Variants in HERC1 observed in about 807,000 individuals in gnomAD.
The protein encoded by HERC1 is probable E3 ubiquitin-protein ligase HERC1.
A neutral mutation model predicts 554.3 loss-of-function variants in HERC1; 160 were observed. The observed-to-expected ratio is 0.29, with a 90% CI of 0.25 to 0.33. The LOEUF is 0.33. Ranked by LOEUF, HERC1 falls within the 10% of genes least tolerant of loss-of-function variation. The pLI, the probability that HERC1 is intolerant of heterozygous loss-of-function variation, is 1.00. For synonymous variants in HERC1, 2,175 were observed against 2,131.7 expected (o/e 1.02, Z -0.56); for missense variants, 4,919 against 5,918.5 (o/e 0.83, Z 5.54).
chr15:63,715,593 T>C (rs2073511038), intron 22 of HERC1, among the ~76,000 whole-genome samples: 1 of 152,326 alleles, frequency 6.6e-6, no homozygotes. Flanking sequence ...GCCAAGTTAA[T>C]TGACAGATAC....
intron 2 of HERC1, 96 bp from the exon 3 acceptor site, chr15:63,764,287 G>A: frequency 3.9e-6 from 3 of 775,910 alleles, no homozygotes; most frequent in Non-Finnish European, 6.5e-6. Flanking sequence ...CCTATTTGAA[G>A]ACCTGTTTAT....
chr15:63,757,262 C>CTTTTTTTT lies in HERC1; in HGVS notation c.1222-522_1222-515dup, dbSNP rs56196711. ...AAAAAGAAATTCCAGTTTTTATTTA[C>CTTTTTTTT]TTTTTTTTTTTTTTTTTTTTGAGAC... On this transcript the variant is annotated intron_variant, in intron 4 of 77. Coordinates refer to ENST00000443617, the MANE Select transcript of HERC1 (RefSeq NM_003922.4). Among the ~76,000 whole-genome samples the CTTTTTTTT allele has an allele frequency of 4.6e-5, 5 of 107,884 alleles. 1 individual carries two copies. The highest frequency in any genetic ancestry group is 7.3e-5 in the Non-Finnish European group (4 of 55,100). 70.8% of individuals were successfully genotyped at this position (107,884 alleles called of 152,430 possible).
chr15:63,614,211 C>A (rs1441646665), intron 76 of HERC1, among the ~76,000 whole-genome samples: 1 of 152,158 alleles, frequency 6.6e-6, no homozygotes, highest in Non-Finnish European at 1.5e-5. Flanking sequence ...GTCCATCCAA[C>A]CCTCAGAAGA....
At position 63,750,223 on chromosome 15, in the gene HERC1, T is replaced by C. The variant is rs1365447041; in HGVS notation, c.1903-432A>G. On this transcript the variant is annotated intron_variant, in intron 8 of 77. Transcript: ENST00000443617. ...TGGATTATATAAATCACAAAACTGA[T>C]GTTTATTATTTAGTTTTAGAAATAC... Among the ~76,000 whole-genome samples the C allele has an allele frequency of 4.6e-5, 7 of 152,318 alleles. No homozygotes were observed. The South Asian group carries it at 1.2e-3, about 27-fold the overall frequency.
chr15:63,766,865 A>G (rs2075795761), intron 2 of HERC1, among the ~76,000 whole-genome samples: 1 of 151,288 alleles, frequency 6.6e-6, no homozygotes, highest in Admixed American at 6.6e-5. Flanking sequence ...TTAGCAGAGA[A>G]GAGGTTTCTC....
In HERC1 at chr15:63,672,369, A is replaced by G. The variant is rs7166366; in HGVS notation, c.8045+127T>C. ...TTCAGTAAAATGAGCTTGACTATATAATCTCTTAGTTTCTTTCTAGCTCTA... is the reference window on the plus strand; with the variant it reads ...TTCAGTAAAATGAGCTTGACTATATGATCTCTTAGTTTCTTTCTAGCTCTA... On this transcript the variant is annotated intron_variant, in intron 39 of 77. Transcript: ENST00000443617. 0.8 allele frequency: 514,971 copies of G among 642,900 alleles called. 218,284 individuals are homozygous for G. The highest frequency in any genetic ancestry group is 0.88 in the Non-Finnish European group (340,155 of 387,188). 39.8% of individuals were successfully genotyped at this position (642,900 alleles called of 1,614,324 possible). A position where few individuals can be genotyped will look rare whatever the true frequency, so the allele number is the denominator to read the frequency against.
chr15:63,706,929 C>T (rs546609761), intron 24 of HERC1, 98 bp from the exon 25 acceptor site: 142 of 732,756 alleles, frequency 1.9e-4, no homozygotes, highest in Non-Finnish European at 3.0e-4. Context: ...CATGTAATTA[C>T]AGCAATGTCT....
chr15:63,689,313 A>G (rs2071969262), intron 33 of HERC1, among the ~76,000 whole-genome samples: 1 of 152,230 alleles, frequency 6.6e-6, no homozygotes, highest in African/African-American at 2.4e-5. Flanking sequence ...AGTGGCTGAA[A>G]CATGCAGATT....
Position 63,612,484 on chromosome 15 carries a change from G to A in HERC1, c.14167C>T (p.Leu4723=). 1 of 1,614,038 alleles carries A rather than the reference G, an allele frequency of 6.2e-7. No individual in the cohort carries two copies. The highest frequency in any genetic ancestry group is 8.5e-7 in the Non-Finnish European group (1 of 1,179,900). ...PLLSLLTAKQ[L]EQMVCGMPEI... is the part of the protein sequence containing the mutation. ...GGCATCCCACACACCATCTGCTCCA[G>A]TTGTTTTGCTGTGAGGAGGGACAGC... The change falls in exon 77 of 78, where the codon CTG becomes TTG. Residue 4723 remains leucine, a synonymous_variant. Coordinates refer to ENST00000443617, the MANE Select transcript of HERC1 (RefSeq NM_003922.4). The surrounding 1 kb of genome is among the most constrained non-coding windows in gnomAD (Gnocchi z 5.0).
Position 63,795,065 on chromosome 15 carries a change from C to A in HERC1, c.-26-19416G>T, listed in dbSNP as rs1452509174. Among the ~76,000 whole-genome samples the A allele has an allele frequency of 5.4e-3, 373 of 68,662 alleles. No homozygotes were observed. In the East Asian group the frequency reaches 0.055, roughly 10 times the overall value. The allele number at this position is 68,662 out of a possible 152,430, so 45.0% of individuals were successfully genotyped here. On this transcript the variant is annotated intron_variant, in intron 1 of 77. Coordinates refer to ENST00000443617, the MANE Select transcript of HERC1 (RefSeq NM_003922.4). ...CGGGCAACAGAGCAAGACTCTGTCT[C>A]AAAAAAAAAAAAAAAAAAAAAAGTA...
At chr15:63,641,758 AT>A in intron 59 of HERC1, 115 bp from the exon 60 acceptor site, 1 of 816,362 alleles carries the variant, frequency 1.2e-6, no homozygotes, top group Non-Finnish European at 1.8e-6. Flanking sequence ...CTTTTTGGAT[AT>A]TTTATATCCA....
intron 12 of HERC1, among the ~76,000 whole-genome samples, chr15:63,740,159 C>T (rs1048239487): frequency 6.6e-6 from 1 of 152,156 alleles, no homozygotes; most frequent in Non-Finnish European, 1.5e-5. Context: ...ATGTGCCCAC[C>T]TTAGCCTCCC....
rs575403751 is a variant in HERC1 at position 63,788,519 on chromosome 15, C to T, written c.-26-12870G>A. Reference sequence around the variant, plus strand: ...AGAGTCTCAGTTCTTTTTAAGCAGTCAATAAAGTAACAATAGCAAAACTTA... The same window carrying T: ...AGAGTCTCAGTTCTTTTTAAGCAGTTAATAAAGTAACAATAGCAAAACTTA... On this transcript the variant is annotated intron_variant, in intron 1 of 77. Transcript: ENST00000443617. 1.1e-3 allele frequency among the ~76,000 whole-genome samples: 164 copies of T among 152,190 alleles called. 3 individuals carry two copies. The highest frequency in any genetic ancestry group is 2.1e-3 in the South Asian group (10 of 4,820).
intron 12 of HERC1, among the ~76,000 whole-genome samples, chr15:63,737,396 T>C (rs2074558920): frequency 1.1e-5 from 1 of 91,190 alleles, no homozygotes; most frequent in Non-Finnish European, 2.5e-5. Context: ...ATATCGTTTT[T>C]CCAGATATAT....
Position 63,756,538 on chromosome 15 carries a change from C to T in HERC1, c.1432G>A (p.Glu478Lys), listed in dbSNP as rs376427330. ...TCACCATCTCCCCAACTGAAGACTT[C>T]TCCTTCTGTCGTAAAGGCTAAAGTG... ...GHTLAFTTEGEVFSWGDGDYG... is the reference protein window; with the variant it reads ...GHTLAFTTEGKVFSWGDGDYG... Residue 478 changes from glutamate (E) to lysine (K), a missense_variant, in exon 5 of 78, where the codon GAA (glutamate) becomes AAA (lysine). Coordinates refer to ENST00000443617, the MANE Select transcript of HERC1 (RefSeq NM_003922.4). The surrounding 1 kb of genome is among the most constrained non-coding windows in gnomAD (Gnocchi z 5.0). 6.2e-7 allele frequency: 1 copy of T among 1,613,738 alleles called. No individual in the cohort carries two copies. Among genetic ancestry groups the T allele is most frequent in the South Asian group, 1.1e-5 (1 of 91,082 alleles).
At position 63,658,708 on chromosome 15, in the gene HERC1, G is replaced by A; in HGVS notation, c.9435C>T (p.Gly3145=). ...TCCCAGAGGAGCTCTTTTCTACGGA[G>A]CCATGGCAACCTGAAAAACATAATT... ...EETLMQIGCH[G]SVEKSSSGRI... is the part of the protein sequence containing the mutation. The change falls in exon 48 of 78, where the codon GGC becomes GGT. Residue 3145 remains glycine (G), a synonymous_variant. Coordinates refer to ENST00000443617, the MANE Select transcript of HERC1 (RefSeq NM_003922.4). The A allele has an allele frequency of 1.9e-6, 3 of 1,609,770 alleles. No homozygotes were observed. The highest frequency in any genetic ancestry group is 2.2e-5 in the East Asian group (1 of 44,814).
At chr15:63,622,326 C>CTTTT (rs35490295) in intron 74 of HERC1, among the ~76,000 whole-genome samples, 25 of 117,586 alleles carry the variant, frequency 2.1e-4, no homozygotes, top group Middle Eastern at 4.7e-3. Context: ...TGCCTGTTTC[C>CTTTT]TTTTTTTTTT....
At position 63,680,985 on chromosome 15, in the gene HERC1, A is replaced by G. The variant is rs990765569; in HGVS notation, c.6226-209T>C. On this transcript the variant is annotated intron_variant, in intron 34 of 77. Coordinates refer to ENST00000443617, the MANE Select transcript of HERC1 (RefSeq NM_003922.4). This position sits in a 1 kb window ranked among gnomAD's most constrained non-coding sequence, Gnocchi z 5.8. ...TTCTTTATCTTGCAGGGCATTTAGAATAACCTTTGAATATCTATAGTATTT... is the reference window on the plus strand; with the variant it reads ...TTCTTTATCTTGCAGGGCATTTAGAGTAACCTTTGAATATCTATAGTATTT... 2.0e-5 allele frequency among the ~76,000 whole-genome samples: 3 copies of G among 152,226 alleles called. No individual in the cohort carries two copies. Among genetic ancestry groups the G allele is most frequent in the Admixed American group, 6.5e-5 (1 of 15,286 alleles).
rs756011531 is a variant in HERC1, at chr15:63,680,034, A to G, written c.6549+43T>C. On this transcript the variant is annotated intron_variant, in intron 36 of 77. Coordinates refer to ENST00000443617, the MANE Select transcript of HERC1 (RefSeq NM_003922.4). This position sits in a 1 kb window ranked among gnomAD's most constrained non-coding sequence, Gnocchi z 5.8. The stretch of plus-strand genomic sequence containing the variant: ...TAAACTCTATCTGATGCTAAACAAT[A>G]AAATAACAAATATTCTTAAATAAAG... 6.6e-6 allele frequency: 9 copies of G among 1,362,250 alleles called. No homozygotes were observed. In the African/African-American group the frequency reaches 1.2e-4, roughly 17 times the overall value. 84.4% of individuals were successfully genotyped at this position (1,362,250 alleles called of 1,614,324 possible).
Sources: gnomAD v4.1 joint callset for allele counts (sites outside exome capture counted in the v4.1 genomes callset) on GRCh38, gnomAD v4.1.1 for gene constraint, Gnocchi (gnomAD v3.1) non-coding constraint, MANE v1.5 for transcripts, NCBI Gene and HGNC (gene_info 2026-07-23, HGNC 2026-07-21) for gene names.